The following CTNNA3 variants were observed in gnomAD, a reference collection of about 807,000 sequenced individuals.
The protein encoded by CTNNA3 is catenin alpha-3.
In CTNNA3, 76 loss-of-function variants were observed where a neutral mutation model predicts 95.7. The observed-to-expected ratio is 0.79, with a 90% CI of 0.66 to 0.96. The LOEUF is 0.96. Ranked by LOEUF, CTNNA3 falls within the 40% of genes least tolerant of loss-of-function variation. The pLI is 0.00. For missense variants in CTNNA3, 1,191 were observed against 1,089.8 expected, an observed-to-expected ratio of 1.09 and a Z score of -1.31; for synonymous variants, 431 against 374.4, an observed-to-expected ratio of 1.15 and a Z score of -1.74.
chr10:66,297,869 G>A (rs768480561), intron 12 of CTNNA3, among the ~76,000 whole-genome samples: 3 of 152,186 alleles, frequency 2.0e-5, no homozygotes, highest in Admixed American at 6.5e-5. Context: ...TCCAGCTTGC[G>A]AGGATGGAGC....
At chr10:67,180,618 G>T in intron 6 of CTNNA3, 98 bp from the exon 7 acceptor site, 1 of 946,886 alleles carries the variant, frequency 1.1e-6, no homozygotes, top group African/African-American at 1.6e-5. Flanking sequence ...ATTCAGATGT[G>T]ATAATAAAGA....
intron 11 of CTNNA3, among the ~76,000 whole-genome samples, chr10:66,423,191 G>T (rs561531666): frequency 2.6e-5 from 4 of 151,944 alleles, no homozygotes; most frequent in Non-Finnish European, 5.9e-5. Context: ...TTTAAAATAC[G>T]CTGTCAGATA....
At chr10:66,477,922 A>T (rs1020708644) in intron 11 of CTNNA3, among the ~76,000 whole-genome samples, 1 of 152,072 alleles carries the variant, frequency 6.6e-6, no homozygotes, top group Non-Finnish European at 1.5e-5. Flanking sequence ...ACTTCTCGAA[A>T]CAAAAGGTAG....
intron 11 of CTNNA3, among the ~76,000 whole-genome samples, chr10:66,451,368 G>A (rs1247680304): frequency 2.6e-5 from 4 of 152,084 alleles, no homozygotes; most frequent in Non-Finnish European, 5.9e-5. Context: ...TTATGGATAA[G>A]GAGAGCTGGG....
chr10:66,898,871 A>G (rs1294294413), intron 7 of CTNNA3, among the ~76,000 whole-genome samples: 1 of 152,222 alleles, frequency 6.6e-6, no homozygotes, highest in Non-Finnish European at 1.5e-5. Flanking sequence ...CTGGGACTAC[A>G]TCAGGCTTAA....
chr10:66,944,090 A>C lies in CTNNA3; in HGVS notation c.1048-168566T>G, dbSNP rs555222873. On this transcript the variant is annotated intron_variant, in intron 7 of 17. Transcript: ENST00000433211. ...CTGCATTGGTTGACTCTTTCATGAA[A>C]GATTTCTCTATAGCATATGGTGTTG... 7.2e-5 allele frequency among the ~76,000 whole-genome samples: 11 copies of C among 152,306 alleles called. No individual in the cohort carries two copies. In the South Asian group the frequency reaches 2.1e-3, roughly 29 times the overall value.
intron 9 of CTNNA3, among the ~76,000 whole-genome samples, chr10:66,702,740 GTAGTAGTAGT>G (rs1847992782): frequency 8.9e-6 from 1 of 112,156 alleles, no homozygotes. Flanking sequence ...ATAAGTAGTA[GTAGTAGTAGT>G]AGTAGTAGTA....
chr10:67,476,059 C>A (rs1224435670), intron 5 of CTNNA3, among the ~76,000 whole-genome samples: 1 of 152,154 alleles, frequency 6.6e-6, no homozygotes, highest in Non-Finnish European at 1.5e-5. Flanking sequence ...GTATCTTTTC[C>A]ATATTTAACT....
intron 5 of CTNNA3, among the ~76,000 whole-genome samples, chr10:67,305,538 A>C (rs1438741614): frequency 6.6e-6 from 1 of 152,138 alleles, no homozygotes; most frequent in Non-Finnish European, 1.5e-5. Context: ...GAAGAATTTT[A>C]AATCAGGGAG....
chr10:65,917,743 A>T lies in CTNNA3; in HGVS notation c.*2587T>A, dbSNP rs914940072. 1 of 152,186 alleles carries T rather than the reference A, an allele frequency of 6.6e-6. No homozygotes were observed. Among genetic ancestry groups the T allele is most frequent in the Non-Finnish European group, 1.5e-5 (1 of 68,030 alleles). 9.4% of individuals were successfully genotyped at this position (152,186 alleles called of 1,614,324 possible). ...CACCAAATTATCACTCTCATTAAGA[A>T]ATTTCTGGCAATCCTCTGCAGAAGA... On this transcript the variant is annotated 3_prime_UTR_variant, in exon 18 of 18. Coordinates refer to ENST00000433211, the MANE Select transcript of CTNNA3 (RefSeq NM_013266.4).
At chr10:66,550,270 T>A (rs1458564432) in intron 10 of CTNNA3, among the ~76,000 whole-genome samples, 5 of 152,202 alleles carry the variant, frequency 3.3e-5, no homozygotes, top group African/African-American at 1.2e-4. Flanking sequence ...GTTTACAGAT[T>A]CCATGATATA....
chr10:67,249,369 C>G (rs1866019717), intron 5 of CTNNA3, among the ~76,000 whole-genome samples: 1 of 152,180 alleles, frequency 6.6e-6, no homozygotes, highest in African/African-American at 2.4e-5. Flanking sequence ...AATCTATGAT[C>G]TTCAAGTTCT....
intron 13 of CTNNA3, among the ~76,000 whole-genome samples, chr10:66,146,752 T>C (rs1203159486): frequency 6.6e-6 from 1 of 152,110 alleles, no homozygotes; most frequent in Non-Finnish European, 1.5e-5. Flanking sequence ...ATACAGCATT[T>C]CACCATGATG....
Position 67,627,671 on chromosome 10 carries a change from T to C in CTNNA3, c.99+19744A>G, listed in dbSNP as rs995687025. Among the ~76,000 whole-genome samples, 20 of 152,140 alleles carry C rather than the reference T, an allele frequency of 1.3e-4. 1 individual carries two copies. Among genetic ancestry groups the C allele is most frequent in the African/African-American group, 4.3e-4 (18 of 41,442 alleles). On this transcript the variant is annotated intron_variant, in intron 2 of 17. Transcript: ENST00000433211. ...ATAATTTTGACATCTTGTTCTTATA[T>C]GGCATAGAAAAGCTAAATATATCTG...
intron 7 of CTNNA3, among the ~76,000 whole-genome samples, chr10:67,003,277 G>A (rs1410552831): frequency 6.6e-6 from 1 of 152,052 alleles, no homozygotes; most frequent in Non-Finnish European, 1.5e-5. Context: ...GACCATTTTG[G>A]CCAATCTCCT....
intron 12 of CTNNA3, among the ~76,000 whole-genome samples, chr10:66,280,996 T>C (rs1482235393): frequency 6.6e-6 from 1 of 151,870 alleles, no homozygotes; most frequent in Non-Finnish European, 1.5e-5. Flanking sequence ...CAAAAAGGAA[T>C]TGGTGTGTAA....
At chr10:67,495,640 C>T (rs193261577) in intron 5 of CTNNA3, among the ~76,000 whole-genome samples, 72 of 152,206 alleles carry the variant, frequency 4.7e-4, no homozygotes, top group African/African-American at 1.7e-3. Flanking sequence ...TCAGGAGGCA[C>T]AGAAGAGGTG....
chr10:66,313,544 C>T (rs562378192), intron 12 of CTNNA3, among the ~76,000 whole-genome samples: 2 of 152,184 alleles, frequency 1.3e-5, no homozygotes, highest in African/African-American at 4.8e-5. Context: ...CAGTGTCTGG[C>T]TCCTTCTCCT....
intron 7 of CTNNA3, among the ~76,000 whole-genome samples, chr10:66,944,198 A>G (rs193273940): frequency 2.2e-4 from 33 of 152,324 alleles, no homozygotes; most frequent in African/African-American, 7.9e-4. Flanking sequence ...TCATCAAATA[A>G]GTTTATAAGT....
Sources: gnomAD v4.1 joint callset for allele counts (sites outside exome capture counted in the v4.1 genomes callset) on GRCh38, gnomAD v4.1.1 for gene constraint, MANE v1.5 for transcripts, NCBI Gene and HGNC (gene_info 2026-07-23, HGNC 2026-07-21) for gene names.